LRRC8A: variants seen among roughly 807,000 people sequenced by gnomAD.
The protein encoded by LRRC8A is leucine rich repeat containing 8 VRAC subunit A.
LRRC8A carries 24 observed loss-of-function variants against 52.5 expected under a neutral mutation model. The observed-to-expected ratio is 0.46, with a 90% CI of 0.33 to 0.64. The LOEUF (loss-of-function observed/expected upper bound fraction) is 0.64, where lower values mean the gene tolerates loss of function less well. Ranked by LOEUF, LRRC8A falls within the 30% of genes least tolerant of loss-of-function variation. The pLI is 0.02. For synonymous variants in LRRC8A, 492 were observed against 494.2 expected, an observed-to-expected ratio of 1.00 and a Z score of 0.06; for missense variants, 677 against 1,094.7, an observed-to-expected ratio of 0.62 and a Z score of 5.38.
rs765688712 is a variant in LRRC8A, at chr9:128,908,705, G to C, written c.1541G>C (p.Ser514Thr). The change falls in exon 3 of 4, where the codon AGC becomes ACC. Residue 514 changes from serine to threonine, a missense_variant. Around this residue, in one of 4 missense-constraint regions of LRRC8A, gnomAD observed 422 missense variants for 741.5 expected, o/e 0.57. Transcript: ENST00000372600. ...AAGGAGATCCCGCTGTGGATCTATAGCCTGAAGACACTGGAGGAGCTGCAC... is the reference window on the plus strand; with the variant it reads ...AAGGAGATCCCGCTGTGGATCTATACCCTGAAGACACTGGAGGAGCTGCAC... ...DIKEIPLWIY[S>T]LKTLEELHLT... 5.0e-6 allele frequency: 8 copies of C among 1,612,924 alleles called. No individual in the cohort carries two copies. The African/African-American group carries it at 6.7e-5, about 13-fold the overall frequency.
At chr9:128,891,682 G>A (rs140255276) in intron 2 of LRRC8A, among the ~76,000 whole-genome samples, 50 of 152,322 alleles carry the variant, frequency 3.3e-4, no homozygotes, top group Admixed American at 3.9e-4. Context: ...AGCAGTACCC[G>A]TGAGACCAGA....
chr9:128,892,955 C>G lies in LRRC8A; in HGVS notation c.-9+6834C>G, dbSNP rs1288625392. ...CCCTGTTTACCCGCAGCCCGACTGC[C>G]TGCCGCCCAGGTGTGGGAGCCACGC... On this transcript the variant is annotated intron_variant, in intron 2 of 3. Transcript: ENST00000372600. The surrounding 1 kb of genome is among the most constrained non-coding windows in gnomAD (Gnocchi z 5.2). Among the ~76,000 whole-genome samples the G allele has an allele frequency of 2.6e-5, 4 of 152,178 alleles. No homozygotes were observed. The highest frequency in any genetic ancestry group is 5.9e-5 in the Non-Finnish European group (4 of 68,014).
chr9:128,889,355 A>G (rs1839513674), intron 2 of LRRC8A, among the ~76,000 whole-genome samples: 1 of 152,134 alleles, frequency 6.6e-6, no homozygotes, highest in African/African-American at 2.4e-5. Context: ...GCTACAAACA[A>G]TGCTGAGAAA....
intron 2 of LRRC8A, among the ~76,000 whole-genome samples, chr9:128,889,897 G>A (rs1219350269): frequency 1.3e-5 from 2 of 151,806 alleles, no homozygotes; most frequent in Non-Finnish European, 2.9e-5. Flanking sequence ...CTGCCTCCTG[G>A]GTTCAAGTGA....
chr9:128,894,209 C>A (rs574782628), intron 2 of LRRC8A, among the ~76,000 whole-genome samples: 15 of 152,020 alleles, frequency 9.9e-5, no homozygotes, highest in East Asian at 7.8e-4. Flanking sequence ...AATTGCCAGG[C>A]ATGGTGGCTC....
chr9:128,896,127 G>T (rs1413887500), intron 2 of LRRC8A, among the ~76,000 whole-genome samples: 2 of 152,156 alleles, frequency 1.3e-5, no homozygotes, highest in African/African-American at 4.8e-5. Context: ...GCATGCTTTT[G>T]TATCTTCGGT....
At chr9:128,890,950 G>T (rs1839593746) in intron 2 of LRRC8A, among the ~76,000 whole-genome samples, 1 of 151,678 alleles carries the variant, frequency 6.6e-6, no homozygotes. Flanking sequence ...AGGAGTTCCA[G>T]ACCAGCCTGG....
chr9:128,907,319 T>C lies in LRRC8A; in HGVS notation c.155T>C (p.Met52Thr). The C allele has an allele frequency of 6.2e-7, 1 of 1,613,968 alleles. No individual in the cohort carries two copies. The highest frequency in any genetic ancestry group is 8.5e-7 in the Non-Finnish European group (1 of 1,180,030). ...ACGCTGCAGGTCACCCAAGACAAGA[T>C]GATCTGCCTGCCTTGTAAGTGGGTC... ...GGTLQVTQDK[M>T]ICLPCKWVTK... The change falls in exon 3 of 4, where the codon ATG (methionine) becomes ACG (threonine). Residue 52 changes from methionine to threonine, a missense_variant. Transcript: ENST00000372600. The surrounding 1 kb of genome is among the most constrained non-coding windows in gnomAD (Gnocchi z 9.3).
At chr9:128,884,594 A>G (rs988708657) in intron 1 of LRRC8A, among the ~76,000 whole-genome samples, 9 of 152,126 alleles carry the variant, frequency 5.9e-5, no homozygotes, top group Non-Finnish European at 1.0e-4. Flanking sequence ...GGAAGAAGGA[A>G]TTAGCTCTGG....
chr9:128,906,712 C>T (rs575961005), intron 2 of LRRC8A, among the ~76,000 whole-genome samples: 1 of 152,316 alleles, frequency 6.6e-6, no homozygotes, highest in South Asian at 2.1e-4. Context: ...GGAATCCCTC[C>T]AGCCCTTTGC....
At chr9:128,906,530 C>A (rs1840259365) in intron 2 of LRRC8A, among the ~76,000 whole-genome samples, 1 of 151,992 alleles carries the variant, frequency 6.6e-6, no homozygotes, top group African/African-American at 2.4e-5. Context: ...ACCATGTTGG[C>A]CAGGCTGGTC....
intron 2 of LRRC8A, among the ~76,000 whole-genome samples, chr9:128,904,776 C>T (rs1840167950): frequency 6.6e-6 from 1 of 151,726 alleles, no homozygotes; most frequent in Non-Finnish European, 1.5e-5. Flanking sequence ...GGGCGGATCA[C>T]AAGGTCAGGA....
Position 128,910,888 on chromosome 9 carries a change from C to T in LRRC8A, c.2157+1567C>T, listed in dbSNP as rs564467304. Among the ~76,000 whole-genome samples the T allele has an allele frequency of 5.3e-5, 8 of 152,290 alleles. No homozygotes were observed. The South Asian group carries it at 1.0e-3, about 20-fold the overall frequency. ...GTGTGGCAACCCGCGTTTCTTAGTTCGGTTGTTGCTGTTGGGTGCATCTGC... is the reference window on the plus strand; with the variant it reads ...GTGTGGCAACCCGCGTTTCTTAGTTTGGTTGTTGCTGTTGGGTGCATCTGC... On this transcript the variant is annotated intron_variant, in intron 3 of 3. Transcript: ENST00000372600.
intron 2 of LRRC8A, among the ~76,000 whole-genome samples, chr9:128,897,892 A>T (rs936868019): frequency 2.0e-5 from 3 of 151,872 alleles, no homozygotes; most frequent in African/African-American, 7.3e-5. Flanking sequence ...ATAATAAAAA[A>T]ATAGAGGGCA....
chr9:128,901,011 A>G (rs1840002893), intron 2 of LRRC8A, among the ~76,000 whole-genome samples: 1 of 151,554 alleles, frequency 6.6e-6, no homozygotes, highest in African/African-American at 2.4e-5. Context: ...TGTCTCTACT[A>G]AAAATATAAA....
intron 3 of LRRC8A, among the ~76,000 whole-genome samples, chr9:128,910,469 G>A (rs187383970): frequency 1.3e-3 from 196 of 152,288 alleles, no homozygotes; most frequent in African/African-American, 4.6e-3. Flanking sequence ...AAGGTGGGGC[G>A]GTCACTTGAG....
chr9:128,896,939 G>T (rs764694219), intron 2 of LRRC8A, among the ~76,000 whole-genome samples: 93 of 152,198 alleles, frequency 6.1e-4, no homozygotes, highest in Middle Eastern at 3.4e-3. Context: ...GGCCAGGCTG[G>T]TCTCAAACTC....
At chr9:128,912,610 C>G (rs533503794) in intron 3 of LRRC8A, 16 of 152,446 alleles carry the variant, frequency 1.0e-4, no homozygotes, top group Admixed American at 3.9e-4. Flanking sequence ...GCTCTGATGA[C>G]TAAGACCTAG....
chr9:128,886,801 C>T (rs1409045794), intron 2 of LRRC8A, among the ~76,000 whole-genome samples: 2 of 152,204 alleles, frequency 1.3e-5, no homozygotes, highest in African/African-American at 2.4e-5. Flanking sequence ...TGTGTATAGA[C>T]GGCTGTGTAA....
Sources: gnomAD v4.1 joint callset for allele counts (sites outside exome capture counted in the v4.1 genomes callset) on GRCh38, gnomAD v4.1.1 for gene constraint, gnomAD v4.1.1 regional missense constraint, Gnocchi (gnomAD v3.1) non-coding constraint, MANE v1.5 for transcripts, NCBI Gene and HGNC (gene_info 2026-07-23, HGNC 2026-07-21) for gene names.